Variants in DHX57 observed in about 807,000 individuals in gnomAD.
The protein encoded by DHX57 is DExH-box helicase 57, also known as putative ATP-dependent RNA helicase DHX57.
Under a neutral mutation model 156.2 loss-of-function variants are expected in DHX57, and 105 were observed. The observed-to-expected ratio is 0.67, with a 90% confidence interval of 0.57 to 0.79. The LOEUF (loss-of-function observed/expected upper bound fraction) is 0.79. Ranked by LOEUF, DHX57 falls within the 30% of genes least tolerant of loss-of-function variation. The pLI is 0.00. For synonymous variants in DHX57, 704 were observed against 595.6 expected, an observed-to-expected ratio of 1.18 and a Z score of -2.65; for missense variants, 1,847 against 1,661.9, an observed-to-expected ratio of 1.11 and a Z score of -1.94.
intron 1 of DHX57, among the ~76,000 whole-genome samples, chr2:38,872,959 G>A (rs187779444): frequency 4.6e-5 from 7 of 152,058 alleles, no homozygotes; most frequent in Admixed American, 6.5e-5. Context: ...CCAGGATATA[G>A]ACCATACTAG....
At chr2:38,836,033 A>T (rs915310151) in intron 13 of DHX57, among the ~76,000 whole-genome samples, 1 of 152,228 alleles carries the variant, frequency 6.6e-6, no homozygotes, top group African/African-American at 2.4e-5. Context: ...AAGAAGATGT[A>T]AAAGAAGCAG....
At chr2:38,821,536 T>C (rs1670815297) in intron 17 of DHX57, among the ~76,000 whole-genome samples, 1 of 151,756 alleles carries the variant, frequency 6.6e-6, no homozygotes, top group Non-Finnish European at 1.5e-5. Flanking sequence ...TCTATAAAAA[T>C]ACAAAAATTA....
At chr2:38,845,014 T>C (rs1347251435) in intron 11 of DHX57, among the ~76,000 whole-genome samples, 2 of 151,986 alleles carry the variant, frequency 1.3e-5, no homozygotes, top group African/African-American at 2.4e-5. Context: ...CTGGGCAACA[T>C]AGTGAGACCT....
Position 38,806,802 on chromosome 2 carries a change from G to A in DHX57, c.3682-109C>T, listed in dbSNP as rs940253398. 3.8e-6 allele frequency: 4 copies of A among 1,053,784 alleles called. No individual in the cohort carries two copies. In the Admixed American group the frequency reaches 8.8e-5, roughly 23 times the overall value. 65.3% of individuals were successfully genotyped at this position (1,053,784 alleles called of 1,614,324 possible). On this transcript the variant is annotated intron_variant, in intron 21 of 23. Coordinates refer to ENST00000457308, the MANE Select transcript of DHX57 (RefSeq NM_198963.3). ...AGTCTTGCTCAGTCTTGCTTGAATA[G>A]CTTTCCTGTTTGTTCCCTTTCTTTC...
At position 38,855,049 on chromosome 2, in the gene DHX57, A is replaced by G; in HGVS notation, c.1905+8T>C. The G allele has an allele frequency of 6.2e-7, 1 of 1,614,172 alleles. No individual in the cohort carries two copies. The highest frequency in any genetic ancestry group is 8.5e-7 in the Non-Finnish European group (1 of 1,180,024). ...TCTGTTACCAGGAAATAAGCAGAGC[A>G]TACAAACCTTGACACTTTCTAACCG... On this transcript the variant is annotated splice_region_variant and intron_variant, in intron 8 of 23. Coordinates refer to ENST00000457308, the MANE Select transcript of DHX57 (RefSeq NM_198963.3).
At position 38,847,085 on chromosome 2, in the gene DHX57, A is replaced by C; in HGVS notation, c.2165-12T>G. The stretch of plus-strand genomic sequence containing the variant: ...AGGAAATGTACGACCTAGAAAAACA[A>C]GGAGACAAAATAGAAAGCCTGAGAA... On this transcript the variant is annotated splice_polypyrimidine_tract_variant and intron_variant, in intron 10 of 23. Transcript: ENST00000457308. 2 of 1,611,698 alleles carry C rather than the reference A, an allele frequency of 1.2e-6. No homozygotes were observed. The highest frequency in any genetic ancestry group is 1.7e-6 in the Non-Finnish European group (2 of 1,178,130).
At chr2:38,830,754 T>C (rs756760940) in intron 13 of DHX57, among the ~76,000 whole-genome samples, 2 of 152,140 alleles carry the variant, frequency 1.3e-5, no homozygotes, top group Non-Finnish European at 2.9e-5. Flanking sequence ...ATCAGATCCA[T>C]GTTCTTTCCA....
intron 5 of DHX57, 84 bp downstream of exon 5, chr2:38,860,915 C>T (rs570357596): frequency 3.9e-5 from 49 of 1,242,428 alleles, no homozygotes; most frequent in Non-Finnish European, 5.1e-5. Context: ...GATCACTAAG[C>T]CATCCTAGAC....
At position 38,858,928 on chromosome 2, in the gene DHX57, AG is replaced by A; in HGVS notation, c.1412-93del. ...GTCTAACAGAGTATCAACAACAAAA[AG>A]TCAAAATGGAGAAAAAGTGAAAACT... is the stretch of plus-strand genomic sequence containing the variant. On this transcript the variant is annotated intron_variant, in intron 5 of 23. Coordinates refer to ENST00000457308, the MANE Select transcript of DHX57 (RefSeq NM_198963.3). The A allele has an allele frequency of 2.3e-6, 3 of 1,301,114 alleles. No homozygotes were observed. The South Asian group carries it at 4.4e-5, about 19-fold the overall frequency. 80.6% of individuals were successfully genotyped at this position (1,301,114 alleles called of 1,614,324 possible). A position where few individuals can be genotyped will look rare whatever the true frequency, so the allele number is the denominator to read the frequency against.
intron 21 of DHX57, chr2:38,810,725 C>T (rs961555435): frequency 1.4e-4 from 114 of 811,780 alleles, no homozygotes; most frequent in Non-Finnish European, 1.7e-4. Flanking sequence ...ACCAACTCAG[C>T]AAATTTCAAG....
Position 38,854,267 on chromosome 2 carries a change from A to G in DHX57, c.1906-89T>C, listed in dbSNP as rs1158096466. On this transcript the variant is annotated intron_variant, in intron 8 of 23. Coordinates refer to ENST00000457308, the MANE Select transcript of DHX57 (RefSeq NM_198963.3). ...AAAGCCATTTTGAATGGATAGTGAT[A>G]AAAAATATTGGAAACACCAGCAGTT... 2.2e-6 allele frequency: 3 copies of G among 1,373,260 alleles called. No individual in the cohort carries two copies. The South Asian group carries it at 4.0e-5, about 18-fold the overall frequency. The allele number at this position is 1,373,260 out of a possible 1,614,324, so 85.1% of individuals were successfully genotyped here.
In DHX57 at chr2:38,855,229, G is replaced by A. The variant is rs965657159; in HGVS notation, c.1733C>T (p.Pro578Leu). Residue 578 changes from proline (P) to leucine (L), a missense_variant, in exon 8 of 24, where the codon CCG (proline) becomes CTG (leucine). Transcript: ENST00000457308. ...MTGCGKTTQIPQFILDDSLNG... is the reference protein window; with the variant it reads ...MTGCGKTTQILQFILDDSLNG... ...CAGAGAATCATCCAGAATAAACTGC[G>A]GAATTTGTGTGGTTTTCCCACATCT... 7 of 1,613,964 alleles carry A rather than the reference G, an allele frequency of 4.3e-6. No homozygotes were observed. The highest frequency in any genetic ancestry group is 2.2e-5 in the East Asian group (1 of 44,898).
intron 21 of DHX57, chr2:38,810,800 G>A: frequency 1.3e-6 from 1 of 752,622 alleles, no homozygotes; most frequent in Non-Finnish European, 2.4e-6. Flanking sequence ...TCTAAATGAG[G>A]GTGGTAAAGG....
At chr2:38,857,321 T>C (rs1672950325) in intron 6 of DHX57, among the ~76,000 whole-genome samples, 1 of 152,220 alleles carries the variant, frequency 6.6e-6, no homozygotes, top group African/African-American at 2.4e-5. Context: ...TTTTGGGCAG[T>C]CACTACAACT....
At chr2:38,817,801 G>A (rs1670618291) in intron 19 of DHX57, among the ~76,000 whole-genome samples, 1 of 152,126 alleles carries the variant, frequency 6.6e-6, no homozygotes, top group Admixed American at 6.6e-5. Flanking sequence ...AGGCTCAAGT[G>A]ATCCTCCCAC....
At chr2:38,863,337 A>G (rs762331787) in intron 3 of DHX57, 24 bp downstream of exon 3, 2 of 1,598,586 alleles carry the variant, frequency 1.3e-6, no homozygotes, top group Admixed American at 3.6e-5. Context: ...TAATATAATA[A>G]TTGACTCAAA....
Position 38,854,046 on chromosome 2 carries a change from T to G in DHX57, c.2030+8A>C. 1 of 1,600,168 alleles carries G rather than the reference T, an allele frequency of 6.2e-7. No homozygotes were observed. The highest frequency in any genetic ancestry group is 1.1e-5 in the South Asian group (1 of 88,626). ...AGTGTGTGTTCCCTGGGAAAGTCTTTGTTTTACCTTTCTTCTGTCCTCTCA... is the reference window on the plus strand; with the variant it reads ...AGTGTGTGTTCCCTGGGAAAGTCTTGGTTTTACCTTTCTTCTGTCCTCTCA... On this transcript the variant is annotated splice_region_variant and intron_variant, in intron 9 of 23. Coordinates refer to ENST00000457308, the MANE Select transcript of DHX57 (RefSeq NM_198963.3).
At chr2:38,870,602 G>C (rs1238168430) in intron 1 of DHX57, among the ~76,000 whole-genome samples, 1 of 152,196 alleles carries the variant, frequency 6.6e-6, no homozygotes, top group Non-Finnish European at 1.5e-5. Context: ...AAATAGGGCT[G>C]GGCGTGGTGG....
intron 17 of DHX57, among the ~76,000 whole-genome samples, chr2:38,822,457 G>A (rs1205702556): frequency 4.6e-5 from 7 of 151,556 alleles, no homozygotes; most frequent in African/African-American, 7.3e-5. Context: ...ATGTGGTGGC[G>A]CGATCTCGGC....
Sources: allele counts gnomAD v4.1 joint callset (sites outside exome capture counted in the v4.1 genomes callset), GRCh38; gene constraint gnomAD v4.1.1; transcripts MANE v1.5; gene names NCBI Gene and HGNC (gene_info 2026-07-23, HGNC 2026-07-21).